ZNF257: variants seen among roughly 807,000 people sequenced by gnomAD.
ZNF257 encodes bone marrow zinc finger 4.
In ZNF257, 12 loss-of-function variants were observed where a neutral mutation model predicts 11.9. That is an observed-to-expected ratio of 1.01 (90% CI 0.65 to 1.63). ZNF257 has a LOEUF of 1.63. Among genes scored for constraint, ZNF257 ranks in the 40% most tolerant of loss-of-function variants. ZNF257 has a pLI of 0.00. For missense variants in ZNF257, 580 were observed against 665.5 expected (o/e 0.87, Z 1.41); for synonymous variants, 183 against 222.7 (o/e 0.82, Z 1.59).
In ZNF257 at chr19:22,054,312, C is replaced by T. The variant is rs532888758; in HGVS notation, c.3+1677C>T. On this transcript the variant is annotated intron_variant, in intron 1 of 3. Coordinates refer to ENST00000594947, the MANE Select transcript of ZNF257 (RefSeq NM_033468.4). ...CTCGAACTCCTAACCTCAGGTGATC[C>T]GCCTGCCTTGGCCTCCCAAAGTGCT... Among the ~76,000 whole-genome samples the T allele has an allele frequency of 8.6e-5, 13 of 152,040 alleles. No individual in the cohort carries two copies. In the South Asian group the frequency reaches 1.7e-3, roughly 19 times the overall value.
chr19:22,067,879 T>C (rs1599664641), intron 1 of ZNF257, among the ~76,000 whole-genome samples: 1 of 148,058 alleles, frequency 6.8e-6, no homozygotes, highest in South Asian at 2.2e-4. Context: ...CAATTATGTC[T>C]CCCCCCCGCT....
intron 1 of ZNF257, among the ~76,000 whole-genome samples, chr19:22,070,964 A>T (rs1013765917): frequency 1.3e-5 from 2 of 152,102 alleles, no homozygotes; most frequent in African/African-American, 4.8e-5. Flanking sequence ...AAAAATCCTT[A>T]CTTCAGCTTT....
chr19:22,085,129 T>G (rs145107436), intron 3 of ZNF257, among the ~76,000 whole-genome samples: 4 of 152,214 alleles, frequency 2.6e-5, no homozygotes, highest in African/African-American at 9.6e-5. Flanking sequence ...TTCTGCTCAC[T>G]GCAACCTCCG....
chr19:22,078,098 C>T (rs549667280), intron 3 of ZNF257, among the ~76,000 whole-genome samples: 3 of 151,054 alleles, frequency 2.0e-5, no homozygotes, highest in Non-Finnish European at 4.4e-5. Context: ...ATTAGCTGGG[C>T]GTGGTGGCGG....
At position 22,089,458 on chromosome 19, in the gene ZNF257, C is replaced by A. The variant is rs1362176156; in HGVS notation, c.*16C>A. ...TAATTCATAATGGAGAAAAACCCTA[C>A]AAATGTGAAGAATGTGTCAAAGCTT... On this transcript the variant is annotated 3_prime_UTR_variant, in exon 4 of 4. Transcript: ENST00000594947. The A allele has an allele frequency of 1.3e-6, 2 of 1,596,312 alleles. No individual in the cohort carries two copies. Among genetic ancestry groups the A allele is most frequent in the Non-Finnish European group, 1.7e-6 (2 of 1,171,368 alleles).
Position 22,089,691 on chromosome 19 carries a change from G to T in ZNF257, c.*249G>T. 1 of 878,474 alleles carries T rather than the reference G, an allele frequency of 1.1e-6. No homozygotes were observed. 54.4% of individuals were successfully genotyped at this position (878,474 alleles called of 1,614,324 possible). A position where few individuals can be genotyped will look rare whatever the true frequency, so the allele number is the denominator to read the frequency against. ...TCTTACTAAACATGAGAACACATGTGGAAGATAAAGCCTACAAATATGAAG... is the reference window on the plus strand; with the variant it reads ...TCTTACTAAACATGAGAACACATGTTGAAGATAAAGCCTACAAATATGAAG... On this transcript the variant is annotated 3_prime_UTR_variant, in exon 4 of 4. Coordinates refer to ENST00000594947, the MANE Select transcript of ZNF257 (RefSeq NM_033468.4).
chr19:22,087,321 G>A (rs2022498116), intron 3 of ZNF257, among the ~76,000 whole-genome samples: 1 of 151,846 alleles, frequency 6.6e-6, no homozygotes, highest in Middle Eastern at 3.4e-3. Flanking sequence ...AGACATTCTG[G>A]GAGCCTTTCA....
At chr19:22,084,096 C>T (rs968452658) in intron 3 of ZNF257, among the ~76,000 whole-genome samples, 7 of 150,348 alleles carry the variant, frequency 4.7e-5, no homozygotes, top group Non-Finnish European at 7.4e-5. Flanking sequence ...GCTGAGATCG[C>T]GCCATCGCAC....
At chr19:22,075,391 CTG>C (rs2022203546) in intron 3 of ZNF257, 2 of 152,344 alleles carry the variant, frequency 1.3e-5, no homozygotes, top group South Asian at 4.1e-4. Flanking sequence ...TGGCCATAAA[CTG>C]TGGCCCAGGA....
chr19:22,057,163 A>G (rs2021664234), intron 1 of ZNF257, among the ~76,000 whole-genome samples: 1 of 152,214 alleles, frequency 6.6e-6, no homozygotes, highest in Non-Finnish European at 1.5e-5. Flanking sequence ...TTATTCTCTG[A>G]AAGGAATACT....
intron 1 of ZNF257, among the ~76,000 whole-genome samples, chr19:22,054,289 C>T (rs1448669811): frequency 6.6e-6 from 1 of 151,920 alleles, no homozygotes; most frequent in Non-Finnish European, 1.5e-5. Flanking sequence ...AGGCTGGTCT[C>T]GAACTCCTAA....
intron 3 of ZNF257, among the ~76,000 whole-genome samples, chr19:22,080,334 A>G (rs536220738): frequency 3.3e-5 from 5 of 152,152 alleles, no homozygotes; most frequent in Non-Finnish European, 5.9e-5. Flanking sequence ...TTTGTGAGGA[A>G]AAATTCCTTG....
chr19:22,090,056 C>A lies in ZNF257; in HGVS notation c.*614C>A, dbSNP rs1164319954. On this transcript the variant is annotated 3_prime_UTR_variant, in exon 4 of 4. Coordinates refer to ENST00000594947, the MANE Select transcript of ZNF257 (RefSeq NM_033468.4). ...AAGTGTGAAGAATATAACTTTTAAC[C>A]AGTGTTCACAACTTATTGTACAGGA... The A allele has an allele frequency of 6.5e-6, 1 of 153,682 alleles. No homozygotes were observed. The highest frequency in any genetic ancestry group is 2.4e-5 in the African/African-American group (1 of 41,360). The allele number at this position is 153,682 out of a possible 1,614,324, so 9.5% of individuals were successfully genotyped here. A position where few individuals can be genotyped will look rare whatever the true frequency, so the allele number is the denominator to read the frequency against.
intron 3 of ZNF257, chr19:22,087,595 T>G: frequency 8.1e-7 from 1 of 1,228,910 alleles, no homozygotes; most frequent in Admixed American, 4.2e-5. Context: ...GACATAGAAA[T>G]GTATGTGCCA....
chr19:22,065,422 A>T (rs10415597), intron 1 of ZNF257, among the ~76,000 whole-genome samples: 1 of 152,036 alleles, frequency 6.6e-6, no homozygotes, highest in South Asian at 2.1e-4. Flanking sequence ...CTGGTCTCGA[A>T]CTCCCGACCT....
chr19:22,062,890 A>G (rs1428241805), intron 1 of ZNF257, among the ~76,000 whole-genome samples: 1 of 151,806 alleles, frequency 6.6e-6, no homozygotes, highest in Non-Finnish European at 1.5e-5. Flanking sequence ...TTTTCTTCTC[A>G]TTTTTTTTGG....
intron 3 of ZNF257, chr19:22,087,618 T>A (rs1416947934): frequency 8.2e-7 from 1 of 1,218,120 alleles, no homozygotes; most frequent in Non-Finnish European, 1.0e-6. Flanking sequence ...ATTTTTCTTG[T>A]CTTTTAAATA....
At chr19:22,062,024 T>G (rs1390091154) in intron 1 of ZNF257, among the ~76,000 whole-genome samples, 1 of 151,858 alleles carries the variant, frequency 6.6e-6, no homozygotes, top group Non-Finnish European at 1.5e-5. Flanking sequence ...TGATATGCTG[T>G]TGGCTGTTGG....
At chr19:22,067,786 A>G (rs994970784) in intron 1 of ZNF257, among the ~76,000 whole-genome samples, 5 of 152,038 alleles carry the variant, frequency 3.3e-5, no homozygotes, top group Admixed American at 6.6e-5. Flanking sequence ...GTGACCCGAG[A>G]TCGCGCCACT....
Sources: allele counts gnomAD v4.1 joint callset (sites outside exome capture counted in the v4.1 genomes callset), GRCh38; gene constraint gnomAD v4.1.1; transcripts MANE v1.5; gene names NCBI Gene and HGNC (gene_info 2026-07-23, HGNC 2026-07-21).